Variants in CSMD1 observed in about 807,000 individuals in gnomAD.
The protein encoded by CSMD1 is CUB and sushi domain-containing protein 1.
A neutral mutation model predicts 417.5 loss-of-function variants in CSMD1; 213 were observed. The ratio of observed to expected loss-of-function variants is 0.51; its 90% CI spans 0.46 to 0.57. CSMD1 has a LOEUF of 0.57. Ranked by LOEUF, CSMD1 falls within the 20% of genes least tolerant of loss-of-function variation. The probability of loss-of-function intolerance (pLI) is 0.00; values close to 1 mark genes in which losing one functional copy is unlikely to be tolerated. For missense variants in CSMD1, 6,923 were observed against 4,529.7 expected (o/e 1.53, Z -15.17); for synonymous variants, 2,862 against 1,736.8 (o/e 1.65, Z -16.11).
At chr8:3,424,372 AC>A (rs1813688353) in intron 12 of CSMD1, among the ~76,000 whole-genome samples, 1 of 152,208 alleles carries the variant, frequency 6.6e-6, no homozygotes, top group African/African-American at 2.4e-5. Context: ...AATAGTTCGC[AC>A]ATTGCCCAGT....
intron 1 of CSMD1, among the ~76,000 whole-genome samples, chr8:4,931,629 A>G (rs1276147907): frequency 6.6e-6 from 1 of 152,204 alleles, no homozygotes; most frequent in East Asian, 1.9e-4. Flanking sequence ...CAACCATAAA[A>G]CATCTACCTC....
intron 5 of CSMD1, among the ~76,000 whole-genome samples, chr8:3,970,880 T>A (rs1813034490): frequency 6.6e-6 from 1 of 152,152 alleles, no homozygotes; most frequent in South Asian, 2.1e-4. Flanking sequence ...GCCTCCTGAG[T>A]AGCTGGGATT....
At chr8:4,295,746 G>GTA (rs1256659175) in intron 3 of CSMD1, among the ~76,000 whole-genome samples, 1 of 8,308 alleles carries the variant, frequency 1.2e-4, no homozygotes, top group Non-Finnish European at 1.9e-4. Context: ...GTATATGTGT[G>GTA]TGTGTATATA....
At chr8:4,500,250 G>T (rs1039963987) in intron 2 of CSMD1, among the ~76,000 whole-genome samples, 10 of 152,066 alleles carry the variant, frequency 6.6e-5, no homozygotes, top group South Asian at 2.1e-4. Flanking sequence ...ATGTAAGAGA[G>T]ATCATAGAAA....
chr8:4,130,085 G>C lies in CSMD1; in HGVS notation c.416-97986C>G, dbSNP rs144444690. Among the ~76,000 whole-genome samples the C allele has an allele frequency of 1.8e-3, 271 of 152,242 alleles. 5 individuals are homozygous for C. Among genetic ancestry groups the C allele is most frequent in the East Asian group, 0.018 (91 of 5,166 alleles). On this transcript the variant is annotated intron_variant, in intron 3 of 69. Coordinates refer to ENST00000635120, the MANE Select transcript of CSMD1 (RefSeq NM_033225.6). ...TCGAACCTCCTGAGTGTGTGTGTGAGAGGAGGGCTAGGGCTGCTCCATCAC... is the reference window on the plus strand; with the variant it reads ...TCGAACCTCCTGAGTGTGTGTGTGACAGGAGGGCTAGGGCTGCTCCATCAC...
At chr8:4,287,563 CTAA>C (rs1797127975) in intron 3 of CSMD1, among the ~76,000 whole-genome samples, 1 of 151,994 alleles carries the variant, frequency 6.6e-6, no homozygotes, top group African/African-American at 2.4e-5. Context: ...AGACGGGGGA[CTAA>C]TGTCTGCAAG....
intron 2 of CSMD1, among the ~76,000 whole-genome samples, chr8:4,621,888 A>G (rs544138495): frequency 2.0e-5 from 3 of 152,232 alleles, no homozygotes; most frequent in South Asian, 2.1e-4. Flanking sequence ...CACAAAACTA[A>G]TTCAATGTAA....
chr8:4,542,742 A>T (rs1347619840), intron 2 of CSMD1, among the ~76,000 whole-genome samples: 1 of 152,234 alleles, frequency 6.6e-6, no homozygotes, highest in Non-Finnish European at 1.5e-5. Flanking sequence ...GTCATGAAAA[A>T]AATAAGTGAA....
At chr8:4,351,153 TA>T (rs578051309) in intron 3 of CSMD1, among the ~76,000 whole-genome samples, 428 of 141,202 alleles carry the variant, frequency 3.0e-3, no homozygotes, top group Middle Eastern at 0.014. Context: ...GTCCCATCTC[TA>T]AAAAAAAAAA....
intron 10 of CSMD1, among the ~76,000 whole-genome samples, chr8:3,497,424 T>G (rs1010308474): frequency 6.7e-6 from 1 of 149,892 alleles, no homozygotes; most frequent in Non-Finnish European, 1.5e-5. Flanking sequence ...ATTTATTTAT[T>G]TAGACACAGT....
At chr8:3,459,271 G>T (rs1816346482) in intron 12 of CSMD1, among the ~76,000 whole-genome samples, 1 of 152,206 alleles carries the variant, frequency 6.6e-6, no homozygotes, top group Non-Finnish European at 1.5e-5. Context: ...ACCAGAGTGA[G>T]CAGGGTGAGG....
At chr8:3,973,421 T>C (rs1422344336) in intron 5 of CSMD1, among the ~76,000 whole-genome samples, 1 of 152,236 alleles carries the variant, frequency 6.6e-6, no homozygotes, top group African/African-American at 2.4e-5. Context: ...ACTAGTGAAG[T>C]TTATGCAAAT....
intron 3 of CSMD1, among the ~76,000 whole-genome samples, chr8:4,336,353 T>C (rs562294066): frequency 2.8e-4 from 43 of 152,240 alleles, no homozygotes; most frequent in African/African-American, 9.9e-4. Context: ...AGGGAGCAAC[T>C]GGGTCATTAA....
chr8:2,958,879 C>T lies in CSMD1; in HGVS notation c.9703-1072G>A, dbSNP rs191158696. Among the ~76,000 whole-genome samples, 200 of 152,128 alleles carry T rather than the reference C, an allele frequency of 1.3e-3. 1 individual carries two copies. Among genetic ancestry groups the T allele is most frequent in the African/African-American group, 4.3e-3 (177 of 41,498 alleles). ...GCCCATACCTCCCATGTTGGGATTCCGGGAAGAATAACTACAAGTAAAATG... is the reference window on the plus strand; with the variant it reads ...GCCCATACCTCCCATGTTGGGATTCTGGGAAGAATAACTACAAGTAAAATG... On this transcript the variant is annotated intron_variant, in intron 62 of 69. Coordinates refer to ENST00000635120, the MANE Select transcript of CSMD1 (RefSeq NM_033225.6).
intron 5 of CSMD1, among the ~76,000 whole-genome samples, chr8:3,784,838 C>G (rs1296916595): frequency 1.3e-5 from 2 of 152,184 alleles, no homozygotes; most frequent in African/African-American, 2.4e-5. Flanking sequence ...TGATTTTCAA[C>G]TCATCCAATG....
At chr8:4,295,736 GTATA>G (rs1797640823) in intron 3 of CSMD1, among the ~76,000 whole-genome samples, 2 of 104,758 alleles carry the variant, frequency 1.9e-5, no homozygotes, top group African/African-American at 6.9e-5. Flanking sequence ...CTGTGTGTGT[GTATA>G]TGTGTGTGTG....
chr8:4,370,973 ATTGT>A (rs1421705071), intron 3 of CSMD1, among the ~76,000 whole-genome samples: 2 of 152,148 alleles, frequency 1.3e-5, no homozygotes, highest in Non-Finnish European at 2.9e-5. Flanking sequence ...AGCTAGTGTG[ATTGT>A]TTGGAGGCAA....
Position 3,234,512 on chromosome 8 carries a change from T to C in CSMD1, c.4154-4281A>G, listed in dbSNP as rs889664018. On this transcript the variant is annotated intron_variant, in intron 26 of 69. Coordinates refer to ENST00000635120, the MANE Select transcript of CSMD1 (RefSeq NM_033225.6). Reference sequence around the variant, plus strand: ...GGAGATCTAGAAGAGAGTGCTTGGGTTTCGGAGTAGGTTTTTCAATGGAAA... The same window carrying C: ...GGAGATCTAGAAGAGAGTGCTTGGGCTTCGGAGTAGGTTTTTCAATGGAAA... Among the ~76,000 whole-genome samples, 7 of 152,154 alleles carry C rather than the reference T, an allele frequency of 4.6e-5. No individual in the cohort carries two copies. In the South Asian group the frequency reaches 8.3e-4, roughly 18 times the overall value.
chr8:3,879,683 T>C (rs1208721454), intron 5 of CSMD1, among the ~76,000 whole-genome samples: 1 of 152,152 alleles, frequency 6.6e-6, no homozygotes, highest in East Asian at 1.9e-4. Context: ...TGACGTCACA[T>C]AGTTCTCAGA....
Sources: gnomAD v4.1 joint callset for allele counts (sites outside exome capture counted in the v4.1 genomes callset) on GRCh38, gnomAD v4.1.1 for gene constraint, MANE v1.5 for transcripts, NCBI Gene and HGNC (gene_info 2026-07-23, HGNC 2026-07-21) for gene names.